The following SLC14A2 variants were observed in gnomAD, a reference collection of about 807,000 sequenced individuals.
The protein encoded by SLC14A2 is urea transporter 2.
SLC14A2 carries 91 observed loss-of-function variants against 104.6 expected under a neutral mutation model. The ratio of observed to expected loss-of-function variants is 0.87; its 90% CI spans 0.73 to 1.04. SLC14A2 has a LOEUF of 1.04. Among genes scored for constraint, SLC14A2 ranks in the 50% least tolerant of loss-of-function variants. SLC14A2 has a pLI of 0.00. For synonymous variants in SLC14A2, 476 were observed against 466.4 expected (o/e 1.02, Z -0.27); for missense variants, 1,189 against 1,156.0 (o/e 1.03, Z -0.41).
intron 2 of SLC14A2, among the ~76,000 whole-genome samples, chr18:45,497,615 T>G (rs975440897): frequency 6.6e-6 from 1 of 152,216 alleles, no homozygotes; most frequent in Non-Finnish European, 1.5e-5. Flanking sequence ...TATGCCCTGC[T>G]GGTACCCACA....
chr18:45,474,986 A>C (rs2087330653), intron 1 of SLC14A2, among the ~76,000 whole-genome samples: 1 of 152,064 alleles, frequency 6.6e-6, no homozygotes, highest in African/African-American at 2.4e-5. Flanking sequence ...TCGACTCTAG[A>C]TCTTTCCCAC....
intron 1 of SLC14A2, among the ~76,000 whole-genome samples, chr18:45,373,613 C>T (rs568500647): frequency 5.3e-5 from 8 of 152,318 alleles, no homozygotes; most frequent in South Asian, 2.1e-4. Context: ...ATATCAGATG[C>T]TCCTGTTTCT....
intron 1 of SLC14A2, among the ~76,000 whole-genome samples, chr18:45,341,326 T>C (rs2085391506): frequency 6.6e-6 from 1 of 152,220 alleles, no homozygotes; most frequent in Admixed American, 6.5e-5. Flanking sequence ...AGTTCCATAT[T>C]TGCAAATTTG....
intron 1 of SLC14A2, among the ~76,000 whole-genome samples, chr18:45,356,033 G>A (rs1032964904): frequency 2.0e-5 from 3 of 152,144 alleles, no homozygotes; most frequent in Admixed American, 6.5e-5. Flanking sequence ...CATTGCAGGG[G>A]TTTTGTGACA....
At chr18:45,540,352 G>A (rs1358653902) in intron 2 of SLC14A2, among the ~76,000 whole-genome samples, 6 of 152,108 alleles carry the variant, frequency 3.9e-5, no homozygotes, top group East Asian at 1.9e-4. Context: ...CCCCCAGTGC[G>A]CGGGGCTGCT....
chr18:45,308,725 A>G (rs981547746), intron 1 of SLC14A2, among the ~76,000 whole-genome samples: 7 of 152,148 alleles, frequency 4.6e-5, no homozygotes, highest in African/African-American at 9.7e-5. Flanking sequence ...CCAAATCATA[A>G]CCCCATTATA....
chr18:45,448,964 T>C (rs1682812346), intron 1 of SLC14A2, among the ~76,000 whole-genome samples: 1 of 152,234 alleles, frequency 6.6e-6, no homozygotes, highest in Non-Finnish European at 1.5e-5. Context: ...CCAGGATCAC[T>C]GACCGGAATC....
intron 1 of SLC14A2, among the ~76,000 whole-genome samples, chr18:45,245,996 G>A (rs1306938354): frequency 6.6e-6 from 1 of 151,470 alleles, no homozygotes; most frequent in Non-Finnish European, 1.5e-5. Context: ...ATTGAATGGG[G>A]TTATGGACTG....
chr18:45,484,493 A>G (rs1226771810), intron 2 of SLC14A2, among the ~76,000 whole-genome samples: 1 of 152,234 alleles, frequency 6.6e-6, no homozygotes, highest in Non-Finnish European at 1.5e-5. Context: ...AGCAGGGATT[A>G]GTTAACTTAT....
At position 45,648,704 on chromosome 18, in the gene SLC14A2, AT is replaced by A. The variant is rs536299241; in HGVS notation, c.1351+4547del. ...TTTACCTAATCTCAGTGTTTCTGTA[AT>A]TTAATAAGTTAACCTTTTCACATCT... On this transcript the variant is annotated intron_variant, in intron 10 of 19. Coordinates refer to ENST00000255226, the MANE Select transcript of SLC14A2 (RefSeq NM_007163.4). Among the ~76,000 whole-genome samples, 33 of 152,100 alleles carry A rather than the reference AT, an allele frequency of 2.2e-4. No individual in the cohort carries two copies. The East Asian group carries it at 6.4e-3, about 29-fold the overall frequency.
intron 1 of SLC14A2, among the ~76,000 whole-genome samples, chr18:45,332,280 C>A (rs952435415): frequency 1.3e-5 from 2 of 152,130 alleles, no homozygotes; most frequent in Admixed American, 1.3e-4. Flanking sequence ...AAAAATTGAA[C>A]CTGTACTAAA....
At chr18:45,542,727 G>T (rs2043909175) in intron 2 of SLC14A2, among the ~76,000 whole-genome samples, 1 of 152,074 alleles carries the variant, frequency 6.6e-6, no homozygotes, top group Non-Finnish European at 1.5e-5. Context: ...ATCTGAAACT[G>T]GGAGAGTCTA....
At chr18:45,454,301 G>C (rs1203778822) in intron 1 of SLC14A2, among the ~76,000 whole-genome samples, 2 of 152,192 alleles carry the variant, frequency 1.3e-5, no homozygotes, top group East Asian at 3.9e-4. Flanking sequence ...GACCGATCCA[G>C]GTTCACAGAG....
chr18:45,556,378 G>A (rs914964925), intron 2 of SLC14A2, among the ~76,000 whole-genome samples: 1 of 152,144 alleles, frequency 6.6e-6, no homozygotes, highest in Non-Finnish European at 1.5e-5. Flanking sequence ...CAGACCTGAA[G>A]ACATGGAAGG....
chr18:45,278,724 A>G (rs750452802), intron 1 of SLC14A2, among the ~76,000 whole-genome samples: 1 of 152,174 alleles, frequency 6.6e-6, no homozygotes, highest in Non-Finnish European at 1.5e-5. Context: ...CACAAATACT[A>G]TATTTTCAAT....
chr18:45,184,618 A>C, the SLC14A2 span, among the ~76,000 whole-genome samples: 2 of 152,242 alleles, frequency 1.3e-5, no homozygotes, highest in African/African-American at 4.8e-5. Flanking sequence ...GACTTACTTA[A>C]TCCTGCAATA....
intron 1 of SLC14A2, among the ~76,000 whole-genome samples, chr18:45,341,280 T>G (rs2085390997): frequency 6.6e-6 from 1 of 152,172 alleles, no homozygotes; most frequent in African/African-American, 2.4e-5. Context: ...TTATAATCGA[T>G]GGAGGATAAA....
At chr18:45,513,341 C>G (rs2043393999) in intron 2 of SLC14A2, among the ~76,000 whole-genome samples, 1 of 152,182 alleles carries the variant, frequency 6.6e-6, no homozygotes, top group East Asian at 1.9e-4. Flanking sequence ...GAGAAACATT[C>G]ATTTTAAGCC....
At chr18:45,610,269 TGC>T (rs2044950912) in intron 2 of SLC14A2, among the ~76,000 whole-genome samples, 1 of 152,176 alleles carries the variant, frequency 6.6e-6, no homozygotes, top group Non-Finnish European at 1.5e-5. Context: ...GTGAAGCTGA[TGC>T]TGAACCCTCA....
Sources: gnomAD v4.1 joint callset for allele counts (sites outside exome capture counted in the v4.1 genomes callset) on GRCh38, gnomAD v4.1.1 for gene constraint, MANE v1.5 for transcripts, NCBI Gene and HGNC (gene_info 2026-07-23, HGNC 2026-07-21) for gene names.